Variants in ITGA8 observed in about 807,000 individuals in gnomAD.
ITGA8 encodes integrin subunit alpha 8, also known as integrin alpha-8.
Under a neutral mutation model 142.3 loss-of-function variants are expected in ITGA8, and 91 were observed. The observed-to-expected ratio is 0.64, with a 90% CI of 0.54 to 0.76. The LOEUF is 0.76. Among genes scored for constraint, ITGA8 ranks in the 30% least tolerant of loss-of-function variants. ITGA8 has a pLI of 0.00. For synonymous variants in ITGA8, 505 were observed against 485.2 expected (o/e 1.04, Z -0.54); for missense variants, 1,406 against 1,327.7 (o/e 1.06, Z -0.92).
chr10:15,687,748 C>T (rs1419436177), intron 3 of ITGA8, among the ~76,000 whole-genome samples, 190 bp downstream of exon 3: 1 of 152,144 alleles, frequency 6.6e-6, no homozygotes, highest in East Asian at 1.9e-4. Flanking sequence ...GGCTTTATTT[C>T]CTATAGCTTT....
intron 13 of ITGA8, among the ~76,000 whole-genome samples, chr10:15,634,099 C>G (rs558181714): frequency 6.6e-6 from 1 of 152,330 alleles, no homozygotes; most frequent in South Asian, 2.1e-4. Flanking sequence ...ATACCTATCT[C>G]AGGATCCTAC....
At chr10:15,524,877 T>C (rs888069278) in intron 28 of ITGA8, among the ~76,000 whole-genome samples, 4 of 152,184 alleles carry the variant, frequency 2.6e-5, no homozygotes, top group African/African-American at 9.7e-5. Context: ...TTGACAAACC[T>C]ACAGGAAGCT....
chr10:15,682,402 C>T (rs990960298), intron 4 of ITGA8, among the ~76,000 whole-genome samples: 4 of 152,070 alleles, frequency 2.6e-5, no homozygotes, highest in African/African-American at 9.7e-5. Context: ...TACAAAGAAC[C>T]CCTACTTTAA....
intron 8 of ITGA8, among the ~76,000 whole-genome samples, chr10:15,666,504 C>T (rs926528574): frequency 6.6e-6 from 1 of 152,132 alleles, no homozygotes; most frequent in Non-Finnish European, 1.5e-5. Flanking sequence ...ATTGAATACT[C>T]TTTATTTCCT....
rs754471588 is a variant in ITGA8 at position 15,644,167 on chromosome 10, A to G, written c.1262T>C (p.Ile421Thr). ...TAAGCCATCTTTGTTCCCATTATAA[A>G]TGAGCACTTTGCCTCTTTGATCCTT... ...AGKDQRGKVL[I>T]YNGNKDGLNT... Residue 421 changes from isoleucine (I) to threonine (T), a missense_variant, in exon 13 of 30, where the codon ATT becomes ACT. Ile to Thr is a moderately conservative substitution (Grantham distance 89). Transcript: ENST00000378076. 3 of 1,614,090 alleles carry G rather than the reference A, an allele frequency of 1.9e-6. No homozygotes were observed. Among genetic ancestry groups the G allele is most frequent in the South Asian group, 2.2e-5 (2 of 91,070 alleles).
intron 10 of ITGA8, among the ~76,000 whole-genome samples, chr10:15,656,227 G>T (rs1834181404): frequency 6.6e-6 from 1 of 152,148 alleles, no homozygotes; most frequent in Non-Finnish European, 1.5e-5. Flanking sequence ...CTGCTTCAGA[G>T]GAAGCATAAA....
intron 15 of ITGA8, chr10:15,611,536 G>A (rs1445356500): frequency 7.0e-6 from 1 of 142,526 alleles, no homozygotes; most frequent in African/African-American, 2.7e-5. Flanking sequence ...CTGTCACCCA[G>A]GCTGGAGTGC....
chr10:15,600,594 C>T (rs1167185417), intron 20 of ITGA8, among the ~76,000 whole-genome samples: 1 of 152,138 alleles, frequency 6.6e-6, no homozygotes, highest in Non-Finnish European at 1.5e-5. Context: ...GATCAAGGGT[C>T]TCATGCATTA....
At chr10:15,621,285 A>G (rs1217757977) in intron 13 of ITGA8, among the ~76,000 whole-genome samples, 2 of 152,154 alleles carry the variant, frequency 1.3e-5, no homozygotes, top group Non-Finnish European at 2.9e-5. Flanking sequence ...TTGCCTGAGA[A>G]ACATAGTTTA....
chr10:15,592,183 C>G (rs780954284), intron 22 of ITGA8, 42 bp downstream of exon 22: 1 of 1,442,424 alleles, frequency 6.9e-7, no homozygotes, highest in South Asian at 1.2e-5. Context: ...GATCTCTTTT[C>G]TTTTGACTGC....
At chr10:15,578,375 G>T (rs979512807) in intron 23 of ITGA8, among the ~76,000 whole-genome samples, 2 of 152,026 alleles carry the variant, frequency 1.3e-5, no homozygotes, top group Non-Finnish European at 2.9e-5. Flanking sequence ...ATATTCTATG[G>T]GATGGATGTA....
intron 2 of ITGA8, among the ~76,000 whole-genome samples, chr10:15,688,996 A>G (rs1220493085): frequency 6.6e-6 from 1 of 152,232 alleles, no homozygotes; most frequent in Non-Finnish European, 1.5e-5. Context: ...TAACCAGAGC[A>G]GTTGGGCAAG....
At chr10:15,672,538 C>T (rs1337003802) in intron 7 of ITGA8, 86 bp downstream of exon 7, 22 of 1,438,046 alleles carry the variant, frequency 1.5e-5, no homozygotes, top group Middle Eastern at 3.9e-4. Flanking sequence ...CAAATAACAT[C>T]GGATAAGTCA....
At chr10:15,540,216 T>G (rs190733982) in intron 27 of ITGA8, among the ~76,000 whole-genome samples, 28 of 152,342 alleles carry the variant, frequency 1.8e-4, no homozygotes, top group Admixed American at 1.8e-3. Flanking sequence ...CTCCCCACTG[T>G]ACTACTGACT....
chr10:15,613,412 G>A (rs966905795), intron 15 of ITGA8, among the ~76,000 whole-genome samples: 1 of 152,086 alleles, frequency 6.6e-6, no homozygotes, highest in Non-Finnish European at 1.5e-5. Context: ...GATTAGAGAA[G>A]TAGCCTTTGA....
In ITGA8 at chr10:15,553,235, C is replaced by A. The variant is rs190969072; in HGVS notation, c.2767-4667G>T. 6.4e-3 allele frequency among the ~76,000 whole-genome samples: 966 copies of A among 150,092 alleles called. 12 individuals carry two copies. The highest frequency in any genetic ancestry group is 0.011 in the Non-Finnish European group (750 of 67,826). ...TTGCACCACCGCACTCCAGCCTGGG[C>A]GACAGAACGAGACTCTATCTCAAGA... On this transcript the variant is annotated intron_variant, in intron 26 of 29. Transcript: ENST00000378076.
intron 14 of ITGA8, among the ~76,000 whole-genome samples, chr10:15,615,169 G>A (rs1169976274): frequency 6.6e-6 from 1 of 152,234 alleles, no homozygotes; most frequent in Non-Finnish European, 1.5e-5. Flanking sequence ...CGGATTGGAA[G>A]CGGAGCAGCT....
At chr10:15,627,888 G>A (rs1357969951) in intron 13 of ITGA8, among the ~76,000 whole-genome samples, 3 of 151,802 alleles carry the variant, frequency 2.0e-5, no homozygotes, top group Non-Finnish European at 4.4e-5. Context: ...CAAGATACAG[G>A]TCACAAAGAC....
At chr10:15,643,524 C>T (rs888115559) in intron 13 of ITGA8, among the ~76,000 whole-genome samples, 3 of 152,154 alleles carry the variant, frequency 2.0e-5, no homozygotes, top group Non-Finnish European at 2.9e-5. Context: ...AACTGATCCA[C>T]CCACCTCGGC....
Sources: allele counts gnomAD v4.1 joint callset (sites outside exome capture counted in the v4.1 genomes callset), GRCh38; gene constraint gnomAD v4.1.1; transcripts MANE v1.5; gene names NCBI Gene and HGNC (gene_info 2026-07-23, HGNC 2026-07-21).